The following OSTN variants were observed in gnomAD, a reference collection of about 807,000 sequenced individuals.
OSTN encodes osteocrin.
A neutral mutation model predicts 12.0 loss-of-function variants in OSTN; 9 were observed. The observed-to-expected ratio is 0.75, with a 90% CI of 0.45 to 1.30. The LOEUF (loss-of-function observed/expected upper bound fraction) is 1.30, where lower values mean the gene tolerates loss of function less well. OSTN is among the 50% of genes most tolerant of loss of function. OSTN has a pLI of 0.00. For synonymous variants in OSTN, 59 were observed against 56.9 expected, an observed-to-expected ratio of 1.04 and a Z score of -0.16; for missense variants, 148 against 152.3, an observed-to-expected ratio of 0.97 and a Z score of 0.15.
At chr3:191,200,156 C>G (rs1273375367) in intron 1 of OSTN, among the ~76,000 whole-genome samples, 1 of 152,026 alleles carries the variant, frequency 6.6e-6, no homozygotes, top group Non-Finnish European at 1.5e-5. Flanking sequence ...TAGTGTTATA[C>G]CAAAAACACC....
chr3:191,211,556 C>T (rs566825397), intron 1 of OSTN, among the ~76,000 whole-genome samples: 12 of 152,202 alleles, frequency 7.9e-5, no homozygotes, highest in African/African-American at 2.9e-4. Flanking sequence ...AAGAGATAAG[C>T]ATTTTCAACT....
Position 191,209,500 on chromosome 3 carries a change from C to T in OSTN, c.1-3033C>T, listed in dbSNP as rs568713776. On this transcript the variant is annotated intron_variant, in intron 1 of 4. Coordinates refer to ENST00000682035, the MANE Select transcript of OSTN (RefSeq NM_198184.2). ...TTTATTGCTCCCTTCTAGAAAAGAA[C>T]GGAATATGGAGAAGCTTCTAGTAAC... is the stretch of plus-strand genomic sequence containing the variant. 8.5e-5 allele frequency among the ~76,000 whole-genome samples: 13 copies of T among 152,142 alleles called. No homozygotes were observed. In the East Asian group the frequency reaches 1.2e-3, roughly 14 times the overall value.
At chr3:191,260,994 T>G (rs903071908) in intron 4 of OSTN, among the ~76,000 whole-genome samples, 1 of 152,042 alleles carries the variant, frequency 6.6e-6, no homozygotes, top group Admixed American at 6.5e-5. Flanking sequence ...AAAGAGTGAT[T>G]TTTACCATTC....
chr3:191,236,770 A>G (rs1715202714), intron 3 of OSTN, among the ~76,000 whole-genome samples: 1 of 152,134 alleles, frequency 6.6e-6, no homozygotes, highest in Non-Finnish European at 1.5e-5. Flanking sequence ...AACATTATTA[A>G]CTTGTTTTCT....
intron 3 of OSTN, among the ~76,000 whole-genome samples, chr3:191,241,846 AAG>A (rs560489328): frequency 7.9e-5 from 12 of 152,358 alleles, no homozygotes; most frequent in African/African-American, 2.9e-4. Flanking sequence ...GATAACCAAA[AAG>A]AAGGTGCAAT....
At chr3:191,260,614 C>A (rs987689026) in intron 4 of OSTN, among the ~76,000 whole-genome samples, 1 of 152,094 alleles carries the variant, frequency 6.6e-6, no homozygotes, top group Non-Finnish European at 1.5e-5. Flanking sequence ...TTATGACAAA[C>A]CCCCGCCCCC....
intron 3 of OSTN, among the ~76,000 whole-genome samples, chr3:191,246,042 G>A (rs951820844): frequency 4.5e-5 from 6 of 132,490 alleles, no homozygotes; most frequent in Non-Finnish European, 6.2e-5. Context: ...ACTCCAGCCT[G>A]GGCAATAAGA....
At chr3:191,233,984 CT>C (rs1354368202) in intron 3 of OSTN, among the ~76,000 whole-genome samples, 1 of 142,072 alleles carries the variant, frequency 7.0e-6, no homozygotes, top group Non-Finnish European at 1.5e-5. Flanking sequence ...AAGAGCGAAA[CT>C]CCATCTCAAA....
intron 3 of OSTN, chr3:191,228,659 T>G (rs1202646344): frequency 1.3e-5 from 2 of 152,222 alleles, no homozygotes; most frequent in East Asian, 3.8e-4. Flanking sequence ...TAGAAAATAC[T>G]AGTTATCAGT....
intron 3 of OSTN, among the ~76,000 whole-genome samples, chr3:191,244,803 T>C (rs547424252): frequency 6.7e-4 from 101 of 151,308 alleles, no homozygotes; most frequent in South Asian, 1.2e-3. Context: ...TTGATTTTTA[T>C]ATATATATTT....
At chr3:191,250,212 G>A (rs1446784386) in intron 4 of OSTN, 79 bp downstream of exon 4, 3 of 1,098,302 alleles carry the variant, frequency 2.7e-6, no homozygotes, top group Non-Finnish European at 4.1e-6. Flanking sequence ...ATCCATTCTT[G>A]CTTATAAATC....
chr3:191,256,246 CTT>C (rs1208962655), intron 4 of OSTN, among the ~76,000 whole-genome samples: 2 of 152,090 alleles, frequency 1.3e-5, no homozygotes, highest in Non-Finnish European at 1.5e-5. Context: ...TAATAACACA[CTT>C]ATATAAATAT....
At chr3:191,242,871 G>A (rs1715352666) in intron 3 of OSTN, among the ~76,000 whole-genome samples, 1 of 151,866 alleles carries the variant, frequency 6.6e-6, no homozygotes, top group Non-Finnish European at 1.5e-5. Flanking sequence ...CAATAAAGAA[G>A]ATGAATCACA....
chr3:191,227,760 T>C (rs551015571), intron 3 of OSTN, among the ~76,000 whole-genome samples: 36 of 152,130 alleles, frequency 2.4e-4, no homozygotes, highest in Non-Finnish European at 5.0e-4. Context: ...GGGTTGCTAA[T>C]TTCGCTTGGA....
chr3:191,241,481 G>T (rs1268287256), intron 3 of OSTN, among the ~76,000 whole-genome samples: 1 of 151,726 alleles, frequency 6.6e-6, no homozygotes, highest in East Asian at 1.9e-4. Context: ...AACGCGCCTG[G>T]CCAGCTCTGT....
chr3:191,259,954 A>G (rs1049385956), intron 4 of OSTN, among the ~76,000 whole-genome samples: 2 of 149,378 alleles, frequency 1.3e-5, no homozygotes, highest in Non-Finnish European at 3.0e-5. Flanking sequence ...TCCCCGGTTC[A>G]AGTGATTCTC....
chr3:191,219,706 C>G (rs1182428030), intron 3 of OSTN, among the ~76,000 whole-genome samples: 1 of 152,122 alleles, frequency 6.6e-6, no homozygotes, highest in African/African-American at 2.4e-5. Context: ...GCACAAAAGA[C>G]CACACAAGTA....
chr3:191,243,575 T>C (rs1715367829), intron 3 of OSTN, among the ~76,000 whole-genome samples: 1 of 152,136 alleles, frequency 6.6e-6, no homozygotes, highest in Non-Finnish European at 1.5e-5. Context: ...GGAGCTATGA[T>C]TGACAATATA....
chr3:191,219,762 T>C (rs1714716315), intron 3 of OSTN, among the ~76,000 whole-genome samples: 1 of 152,242 alleles, frequency 6.6e-6, no homozygotes, highest in Non-Finnish European at 1.5e-5. Context: ...CTTTAGCTCA[T>C]CCTGAACATT....
Sources: allele counts gnomAD v4.1 joint callset (sites outside exome capture counted in the v4.1 genomes callset), GRCh38; gene constraint gnomAD v4.1.1; transcripts MANE v1.5; gene names NCBI Gene and HGNC (gene_info 2026-07-23, HGNC 2026-07-21).